The following USH2A variants were observed in gnomAD, a reference collection of about 807,000 sequenced individuals.
USH2A encodes the protein Usher syndrome 2A (autosomal recessive, mild).
A neutral mutation model predicts 538.9 loss-of-function variants in USH2A; 443 were observed. That is an observed-to-expected ratio of 0.82 (90% confidence interval 0.76 to 0.89). USH2A has a LOEUF of 0.89. Among genes scored for constraint, USH2A ranks in the 40% least tolerant of loss-of-function variants. USH2A has a pLI of 0.00. For missense variants in USH2A, 6,633 were observed against 6,324.8 expected, an observed-to-expected ratio of 1.05 and a Z score of -1.65; for synonymous variants, 2,413 against 2,273.5, an observed-to-expected ratio of 1.06 and a Z score of -1.75.
chr1:215,724,094 CTATAT>C (rs1558070307), intron 61 of USH2A, among the ~76,000 whole-genome samples: 3 of 151,746 alleles, frequency 2.0e-5, no homozygotes, highest in African/African-American at 7.3e-5. Flanking sequence ...ATATCTATAT[CTATAT>C]CATCTATATC....
chr1:215,695,880 G>T (rs907166629), intron 61 of USH2A, among the ~76,000 whole-genome samples: 1 of 151,982 alleles, frequency 6.6e-6, no homozygotes, highest in Non-Finnish European at 1.5e-5. Flanking sequence ...CCTCCTAGTA[G>T]CTGGAATTAC....
intron 6 of USH2A, 102 bp downstream of exon 6, chr1:216,325,203 A>G (rs1571703383): frequency 7.8e-7 from 1 of 1,279,774 alleles, no homozygotes; most frequent in East Asian, 2.4e-5. Context: ...GATCTCCAGA[A>G]CTGTTAGGGA....
At chr1:215,672,248 C>A (rs1159058016) in intron 63 of USH2A, among the ~76,000 whole-genome samples, 4 of 152,162 alleles carry the variant, frequency 2.6e-5, no homozygotes. Flanking sequence ...CAGCTATCTT[C>A]TTTCTACCTT....
At chr1:215,872,988 A>C (rs753394411) in intron 43 of USH2A, among the ~76,000 whole-genome samples, 23 of 152,094 alleles carry the variant, frequency 1.5e-4, no homozygotes, top group Non-Finnish European at 3.1e-4. Context: ...CTGCAGAACC[A>C]TGAGCCAAGT....
At chr1:216,420,195 C>A (rs937242432) in intron 2 of USH2A, among the ~76,000 whole-genome samples, 1 of 152,056 alleles carries the variant, frequency 6.6e-6, no homozygotes, top group Non-Finnish European at 1.5e-5. Context: ...CTGTTTAAAT[C>A]TACAAGTGAG....
chr1:215,726,620 T>C (rs1312946032), intron 61 of USH2A, among the ~76,000 whole-genome samples: 1 of 152,178 alleles, frequency 6.6e-6, no homozygotes, highest in Non-Finnish European at 1.5e-5. Flanking sequence ...CATAGAAACA[T>C]AGTTTTTTGG....
chr1:216,057,698 A>T (rs1272140763), intron 30 of USH2A, among the ~76,000 whole-genome samples: 1 of 152,164 alleles, frequency 6.6e-6, no homozygotes, highest in Non-Finnish European at 1.5e-5. Flanking sequence ...AATTAAAAAA[A>T]AAAGTTCGTA....
At chr1:216,365,137 T>C (rs1325475355) in intron 3 of USH2A, 52 bp from the exon 4 acceptor site, 2 of 1,572,380 alleles carry the variant, frequency 1.3e-6, no homozygotes, top group East Asian at 4.5e-5. Flanking sequence ...TTTTATTTTA[T>C]ATTAAACACA....
intron 32 of USH2A, among the ~76,000 whole-genome samples, chr1:216,030,514 T>C (rs537392753): frequency 7.1e-4 from 99 of 140,146 alleles, no homozygotes; most frequent in African/African-American, 2.5e-3. Context: ...ATAAATGATA[T>C]ATAGATATAT....
At chr1:215,926,710 C>A (rs1243813256) in intron 38 of USH2A, among the ~76,000 whole-genome samples, 1 of 148,940 alleles carries the variant, frequency 6.7e-6, no homozygotes. Flanking sequence ...CTCCGCCTTT[C>A]GGGTTCAAGC....
At chr1:215,967,232 A>C (rs1667368513) in intron 36 of USH2A, among the ~76,000 whole-genome samples, 1 of 152,146 alleles carries the variant, frequency 6.6e-6, no homozygotes, top group Non-Finnish European at 1.5e-5. Flanking sequence ...GCAGTGGCAC[A>C]ATCTCGGGTC....
intron 13 of USH2A, among the ~76,000 whole-genome samples, chr1:216,238,551 T>C (rs1572080440): frequency 6.6e-6 from 1 of 152,336 alleles, no homozygotes; most frequent in East Asian, 1.9e-4. Context: ...AAGCAGCATT[T>C]TTAACCTCTG....
intron 22 of USH2A, among the ~76,000 whole-genome samples, chr1:216,090,554 T>A (rs1338372199): frequency 6.6e-6 from 1 of 152,136 alleles, no homozygotes; most frequent in Non-Finnish European, 1.5e-5. Flanking sequence ...TCTGGCAAGT[T>A]CTAGTCTTCG....
At chr1:215,788,936 C>T (rs887211979) in intron 51 of USH2A, among the ~76,000 whole-genome samples, 1 of 151,184 alleles carries the variant, frequency 6.6e-6, no homozygotes, top group Non-Finnish European at 1.5e-5. Flanking sequence ...CAAAACAAAA[C>T]AAAACAAAAC....
At chr1:216,072,618 A>T in intron 29 of USH2A, 1 of 483,132 alleles carries the variant, frequency 2.1e-6, no homozygotes, top group South Asian at 2.0e-5. Context: ...GGACTATTAC[A>T]TCCTTAAGAC....
chr1:216,218,208 C>A (rs2035381522), intron 14 of USH2A, among the ~76,000 whole-genome samples: 1 of 152,072 alleles, frequency 6.6e-6, no homozygotes, highest in South Asian at 2.1e-4. Flanking sequence ...ATGCTAATGA[C>A]ATAAATATAG....
intron 52 of USH2A, among the ~76,000 whole-genome samples, chr1:215,784,622 C>T (rs1661741094): frequency 6.6e-6 from 1 of 152,110 alleles, no homozygotes; most frequent in South Asian, 2.1e-4. Context: ...TTTTTGTCAG[C>T]ACTGGTATTG....
chr1:216,421,801 T>C, intron 2 of USH2A, 51 bp downstream of exon 2: 3 of 1,613,330 alleles, frequency 1.9e-6, no homozygotes, highest in Non-Finnish European at 2.5e-6. Context: ...TGATCTTCAC[T>C]ACTACTGGTT....
At chr1:215,919,479 A>G (rs1032060195) in intron 38 of USH2A, among the ~76,000 whole-genome samples, 1 of 152,036 alleles carries the variant, frequency 6.6e-6, no homozygotes, top group African/African-American at 2.4e-5. Context: ...GGAGGGGGGA[A>G]ATTAAGATTT....
Sources: gnomAD v4.1 joint callset for allele counts (sites outside exome capture counted in the v4.1 genomes callset) on GRCh38, gnomAD v4.1.1 for gene constraint, MANE v1.5 for transcripts, NCBI Gene and HGNC (gene_info 2026-07-23, HGNC 2026-07-21) for gene names.